GOLIM4: variants seen among roughly 807,000 people sequenced by gnomAD.
GOLIM4 encodes the protein 130 kDa golgi-localized phosphoprotein.
GOLIM4 carries 71 observed loss-of-function variants against 107.4 expected under a neutral mutation model. The ratio of observed to expected loss-of-function variants is 0.66; its 90% confidence interval spans 0.55 to 0.81. The LOEUF is 0.81. GOLIM4 is among the 30% of genes least tolerant of loss of function. The probability of loss-of-function intolerance (pLI) is 0.00; values close to 1 mark genes in which losing one functional copy is unlikely to be tolerated. For synonymous variants in GOLIM4, 327 were observed against 294.8 expected, an observed-to-expected ratio of 1.11 and a Z score of -1.12; for missense variants, 830 against 826.1, an observed-to-expected ratio of 1.00 and a Z score of -0.06.
chr3:168,038,566 C>T (rs550402652), intron 7 of GOLIM4, among the ~76,000 whole-genome samples: 192 of 152,260 alleles, frequency 1.3e-3, no homozygotes, highest in African/African-American at 4.4e-3. Flanking sequence ...ACTTTACTTC[C>T]CTTTTCATCT....
At chr3:168,070,790 T>C (rs952288731) in intron 1 of GOLIM4, among the ~76,000 whole-genome samples, 26 of 152,218 alleles carry the variant, frequency 1.7e-4, no homozygotes, top group African/African-American at 6.0e-4. Context: ...AGGGAAAGGT[T>C]ATTTATTCAA....
In GOLIM4 at chr3:168,032,568, A is replaced by G; in HGVS notation, c.1128T>C (p.His376=). The change falls in exon 9 of 16, where the codon CAT becomes CAC. Residue 376 remains histidine (H), a synonymous_variant. Transcript: ENST00000470487. ...EEQDREWKEQ[H]EQREAANLLE... ...GGAGGTTGGCTGCTTCTCGTTGCTC[A>G]TGCTGCTCTTTCCACTCCCGATCCT... is the stretch of plus-strand genomic sequence containing the variant. The G allele has an allele frequency of 6.2e-7, 1 of 1,613,986 alleles. No homozygotes were observed. Among genetic ancestry groups the G allele is most frequent in the Non-Finnish European group, 8.5e-7 (1 of 1,179,998 alleles).
intron 1 of GOLIM4, among the ~76,000 whole-genome samples, chr3:168,075,336 G>A (rs1170762344): frequency 8.5e-6 from 1 of 117,322 alleles, no homozygotes; most frequent in East Asian, 2.5e-4. Flanking sequence ...TCGCTCTGTC[G>A]CCCAGGCTGG....
intron 1 of GOLIM4, among the ~76,000 whole-genome samples, chr3:168,065,095 A>C (rs1720482685): frequency 6.6e-6 from 1 of 152,192 alleles, no homozygotes; most frequent in Admixed American, 6.5e-5. Context: ...CCTGACACTA[A>C]CAAATTCACT....
intron 3 of GOLIM4, among the ~76,000 whole-genome samples, chr3:168,046,508 C>A (rs1040696733): frequency 6.6e-6 from 1 of 152,132 alleles, no homozygotes; most frequent in Non-Finnish European, 1.5e-5. Flanking sequence ...TGACTCTTAA[C>A]GAGCATGCTG....
intron 1 of GOLIM4, among the ~76,000 whole-genome samples, chr3:168,062,351 T>G (rs375014874): frequency 3.3e-5 from 5 of 151,912 alleles, no homozygotes; most frequent in African/African-American, 1.2e-4. Flanking sequence ...CCATTTGTAA[T>G]GTAGGAACAC....
intron 10 of GOLIM4, among the ~76,000 whole-genome samples, chr3:168,029,571 C>T (rs534737721): frequency 1.3e-5 from 2 of 151,948 alleles, no homozygotes; most frequent in Non-Finnish European, 1.5e-5. Context: ...TATTTGGAGA[C>T]CTAACCTACC....
intron 1 of GOLIM4, among the ~76,000 whole-genome samples, chr3:168,082,472 G>GT (rs535589084): frequency 1.4e-4 from 22 of 152,200 alleles, no homozygotes; most frequent in African/African-American, 4.8e-4. Context: ...ACCATTCTAG[G>GT]TAACTAGTAG....
rs532118664 is a variant in GOLIM4, at chr3:168,057,190, T to A, written c.188-8825A>T. Among the ~76,000 whole-genome samples, 15 of 152,338 alleles carry A rather than the reference T, an allele frequency of 9.8e-5. No homozygotes were observed. In the East Asian group the frequency reaches 2.5e-3, roughly 25 times the overall value. On this transcript the variant is annotated intron_variant, in intron 1 of 15. Coordinates refer to ENST00000470487, the MANE Select transcript of GOLIM4 (RefSeq NM_014498.5). ...CTCCTGTCTGCTGCCATGTGAGACA[T>A]GCCTTTCACCTTCCACCATGATTGT...
Position 168,036,258 on chromosome 3 carries a change from C to T in GOLIM4, c.843+578G>A, listed in dbSNP as rs546999887. ...AAGCCTTTCTCAGACATACTAGCAG[C>T]GGCCAGGTGTGGTGGCTCACGCCTA... On this transcript the variant is annotated intron_variant, in intron 8 of 15. Transcript: ENST00000470487. Among the ~76,000 whole-genome samples the T allele has an allele frequency of 2.0e-5, 3 of 152,298 alleles. No homozygotes were observed. In the East Asian group the frequency reaches 5.8e-4, roughly 29 times the overall value.
At chr3:168,029,734 A>C in intron 10 of GOLIM4, 46 bp downstream of exon 10, 1 of 1,595,930 alleles carries the variant, frequency 6.3e-7, no homozygotes, top group Non-Finnish European at 8.6e-7. Flanking sequence ...GCGTATGAAA[A>C]CTGGAGCAGG....
intron 1 of GOLIM4, among the ~76,000 whole-genome samples, chr3:168,070,580 A>C (rs1213639029): frequency 6.6e-6 from 1 of 152,226 alleles, no homozygotes; most frequent in Non-Finnish European, 1.5e-5. Context: ...GGTAAAGTAA[A>C]ATTATACATT....
At chr3:168,025,403 ATAAT>A (rs1364768611) in intron 12 of GOLIM4, among the ~76,000 whole-genome samples, 2 of 152,350 alleles carry the variant, frequency 1.3e-5, no homozygotes, top group East Asian at 1.9e-4. Context: ...AAACAAGAAA[ATAAT>A]TAATAAAAGT....
intron 1 of GOLIM4, among the ~76,000 whole-genome samples, chr3:168,050,168 T>C (rs765649512): frequency 6.6e-5 from 10 of 152,118 alleles, no homozygotes; most frequent in Non-Finnish European, 1.2e-4. Flanking sequence ...TATAACTCTA[T>C]ATCTATGGCA....
intron 5 of GOLIM4, among the ~76,000 whole-genome samples, chr3:168,042,589 G>C (rs1223271311): frequency 1.3e-5 from 2 of 152,202 alleles, no homozygotes; most frequent in African/African-American, 2.4e-5. Flanking sequence ...TTGAAATGGG[G>C]AAGACGTGTG....
chr3:168,047,936 T>TC (rs34201878), intron 2 of GOLIM4, among the ~76,000 whole-genome samples: 7 of 151,866 alleles, frequency 4.6e-5, no homozygotes, highest in Middle Eastern at 3.4e-3. Flanking sequence ...TCCTGTTACT[T>TC]CCCCCCCAAC....
In GOLIM4 at chr3:168,032,747, G is replaced by T; in HGVS notation, c.949C>A (p.Pro317Thr). The T allele has an allele frequency of 3.1e-6, 5 of 1,614,078 alleles. No homozygotes were observed. Among genetic ancestry groups the T allele is most frequent in the Non-Finnish European group, 4.2e-6 (5 of 1,179,998 alleles). ...ACTTCTTGTTGGATTGGCTCTGGGG[G>T]AGCCTGAAATTCTGCCTCCTTATGG... is the stretch of plus-strand genomic sequence containing the variant. ...PTHKEAEFQA[P>T]PEPIQQEVER... is the part of the protein sequence containing the mutation. Residue 317 changes from proline to threonine, a missense_variant, in exon 9 of 16, where the codon CCC (proline) becomes ACC (threonine). Physicochemically the swap from Pro to Thr is conservative, Grantham distance 38. Coordinates refer to ENST00000470487, the MANE Select transcript of GOLIM4 (RefSeq NM_014498.5).
chr3:168,094,788 T>C lies in GOLIM4; in HGVS notation c.187+311A>G, dbSNP rs529058397. Among the ~76,000 whole-genome samples the C allele has an allele frequency of 5.3e-5, 8 of 152,326 alleles. No individual in the cohort carries two copies. In the South Asian group the frequency reaches 1.0e-3, roughly 20 times the overall value. ...AGGGCTACCAGTTTCCCTGCCCCGA[T>C]TGCAGCTGGGCCTTTGACAAGAGCT... On this transcript the variant is annotated intron_variant, in intron 1 of 15. Coordinates refer to ENST00000470487, the MANE Select transcript of GOLIM4 (RefSeq NM_014498.5).
intron 1 of GOLIM4, among the ~76,000 whole-genome samples, chr3:168,078,858 C>T (rs7647200): frequency 0.49 from 74,665 of 151,980 alleles, 19,429 homozygotes; most frequent in African/African-American, 0.62. Context: ...CCAGCTTATA[C>T]GTCTAAGCAG....
Sources: allele counts gnomAD v4.1 joint callset (sites outside exome capture counted in the v4.1 genomes callset), GRCh38; gene constraint gnomAD v4.1.1; transcripts MANE v1.5; gene names NCBI Gene and HGNC (gene_info 2026-07-23, HGNC 2026-07-21).